Variants in FAT3 observed in about 807,000 individuals in gnomAD.
FAT3 encodes protocadherin Fat 3.
In FAT3, 95 loss-of-function variants were observed where a neutral mutation model predicts 310.2. The observed-to-expected ratio is 0.31, with a 90% CI of 0.26 to 0.36. The LOEUF (loss-of-function observed/expected upper bound fraction) is 0.36, where lower values mean the gene tolerates loss of function less well. Ranked by LOEUF, FAT3 falls within the 10% of genes least tolerant of loss-of-function variation. The pLI, the probability that FAT3 is intolerant of heterozygous loss-of-function variation, is 1.00. For synonymous variants in FAT3, 2,314 were observed against 2,192.9 expected (o/e 1.06, Z -1.54); for missense variants, 5,408 against 5,715.6 (o/e 0.95, Z 1.74).
intron 3 of FAT3, among the ~76,000 whole-genome samples, chr11:92,660,363 C>T (rs1370097695): frequency 6.6e-6 from 1 of 152,006 alleles, no homozygotes; most frequent in African/African-American, 2.4e-5. Flanking sequence ...AGAAGGATGA[C>T]ACCAAGAGAG....
chr11:92,750,695 A>G (rs1399587958), intron 4 of FAT3, among the ~76,000 whole-genome samples: 1 of 151,978 alleles, frequency 6.6e-6, no homozygotes, highest in Non-Finnish European at 1.5e-5. Context: ...ACAACTTAAT[A>G]CTGGCTTGGT....
chr11:92,658,758 C>T (rs1247860103), intron 3 of FAT3, among the ~76,000 whole-genome samples: 2 of 152,126 alleles, frequency 1.3e-5, no homozygotes, highest in Non-Finnish European at 2.9e-5. Flanking sequence ...CTTGAGGGCC[C>T]ATCACATTTT....
intron 21 of FAT3, among the ~76,000 whole-genome samples, chr11:92,859,636 G>A (rs1182403752): frequency 6.6e-6 from 1 of 152,154 alleles, no homozygotes; most frequent in Non-Finnish European, 1.5e-5. Context: ...CACAACAGGG[G>A]TGGTCCTTTA....
chr11:92,231,004 G>A (rs745751243), intron 1 of FAT3, among the ~76,000 whole-genome samples: 12 of 152,278 alleles, frequency 7.9e-5, no homozygotes, highest in African/African-American at 2.6e-4. Flanking sequence ...TTGGAAGAAC[G>A]TATTCATGGG....
chr11:92,680,429 T>A (rs147923081), intron 3 of FAT3, among the ~76,000 whole-genome samples: 1,645 of 152,324 alleles, frequency 0.011, 30 homozygotes, highest in African/African-American at 0.037. Context: ...AATGTGTGAC[T>A]TTATTTCTGG....
chr11:92,236,107 A>G (rs896325132), intron 1 of FAT3, among the ~76,000 whole-genome samples: 2 of 152,226 alleles, frequency 1.3e-5, no homozygotes, highest in Non-Finnish European at 2.9e-5. Context: ...TAAATTATTC[A>G]TAAACACCTG....
intron 2 of FAT3, among the ~76,000 whole-genome samples, chr11:92,448,822 T>C (rs994290557): frequency 1.3e-5 from 2 of 152,176 alleles, no homozygotes; most frequent in African/African-American, 4.8e-5. Context: ...CTAAGCCCCA[T>C]TTAGAGCCAC....
intron 3 of FAT3, among the ~76,000 whole-genome samples, chr11:92,696,027 A>T (rs1165871424): frequency 6.6e-6 from 1 of 152,166 alleles, no homozygotes; most frequent in Non-Finnish European, 1.5e-5. Flanking sequence ...AATGATAAGT[A>T]TTGTAGGTGA....
At chr11:92,302,276 A>G (rs1947018698) in intron 1 of FAT3, among the ~76,000 whole-genome samples, 1 of 151,934 alleles carries the variant, frequency 6.6e-6, no homozygotes, top group Non-Finnish European at 1.5e-5. Context: ...GTGGTTTTAC[A>G]TTACAGAAAC....
At chr11:92,702,048 C>T (rs1413650221) in intron 4 of FAT3, among the ~76,000 whole-genome samples, 1 of 152,168 alleles carries the variant, frequency 6.6e-6, no homozygotes, top group African/African-American at 2.4e-5. Flanking sequence ...GTTCACAGAG[C>T]TTAGATGGGC....
intron 1 of FAT3, among the ~76,000 whole-genome samples, chr11:92,341,413 C>G (rs572431285): frequency 5.3e-5 from 8 of 152,184 alleles, no homozygotes; most frequent in African/African-American, 1.9e-4. Context: ...AGTACTAATC[C>G]AGGCAATGTG....
chr11:92,614,747 C>T (rs1404773156), intron 3 of FAT3, among the ~76,000 whole-genome samples: 3 of 152,106 alleles, frequency 2.0e-5, no homozygotes, highest in African/African-American at 7.2e-5. Flanking sequence ...TCTTTTCTCA[C>T]GTGTGTTTTT....
intron 1 of FAT3, among the ~76,000 whole-genome samples, chr11:92,279,794 A>C (rs1946375115): frequency 6.6e-6 from 1 of 152,142 alleles, no homozygotes; most frequent in South Asian, 2.1e-4. Flanking sequence ...ACACCTTCTG[A>C]CTGTATATTT....
intron 2 of FAT3, among the ~76,000 whole-genome samples, chr11:92,472,963 G>C (rs755552661): frequency 4.9e-4 from 75 of 152,140 alleles, no homozygotes; most frequent in Non-Finnish European, 9.8e-4. Flanking sequence ...GTGACTTCCA[G>C]TTTGTTCCTC....
In FAT3 at chr11:92,354,029, G is replaced by C; in HGVS notation, c.1917G>C (p.Leu639=). 6.2e-7 allele frequency: 1 copy of C among 1,613,154 alleles called. No individual in the cohort carries two copies. The highest frequency in any genetic ancestry group is 1.1e-5 in the South Asian group (1 of 90,974). ...DSGVLQLKKS[L]TNSGIKNGNF... is the part of the protein sequence containing the mutation. ...GTGTTTTACAGCTTAAAAAATCACT[G>C]ACAAATTCTGGCATTAAAAATGGCA... Residue 639 remains leucine (L), a synonymous_variant, in exon 2 of 28, where the codon CTG becomes CTC. Coordinates refer to ENST00000525166, the MANE Select transcript of FAT3 (RefSeq NM_001367949.2).
At position 92,895,719 on chromosome 11, in the gene FAT3, T is replaced by A. The variant is rs1316184356; in HGVS notation, c.*4606T>A. 1 of 152,220 alleles carries A rather than the reference T, an allele frequency of 6.6e-6. No homozygotes were observed. The highest frequency in any genetic ancestry group is 2.4e-5 in the African/African-American group (1 of 41,464). The allele number at this position is 152,220 out of a possible 1,614,324, so 9.4% of individuals were successfully genotyped here. A position where few individuals can be genotyped will look rare whatever the true frequency, so the allele number is the denominator to read the frequency against. On this transcript the variant is annotated 3_prime_UTR_variant, in exon 28 of 28. Transcript: ENST00000525166. The stretch of plus-strand genomic sequence containing the variant: ...TGTATCAGAGAGATTGTCTTGTACG[T>A]TTGCCTGTTGCAAACAGGCTGGTTT...
At chr11:92,485,906 A>G (rs1255199417) in intron 2 of FAT3, among the ~76,000 whole-genome samples, 1 of 152,018 alleles carries the variant, frequency 6.6e-6, no homozygotes, top group Non-Finnish European at 1.5e-5. Context: ...ATCTTTTTCT[A>G]GATTAATGCT....
At chr11:92,269,014 T>C (rs755945638) in intron 1 of FAT3, among the ~76,000 whole-genome samples, 4 of 152,178 alleles carry the variant, frequency 2.6e-5, no homozygotes, top group Non-Finnish European at 4.4e-5. Context: ...TGAGCTGGAA[T>C]GGAATGCAGA....
chr11:92,564,663 G>T (rs1311318723), intron 3 of FAT3, among the ~76,000 whole-genome samples: 1 of 152,068 alleles, frequency 6.6e-6, no homozygotes, highest in African/African-American at 2.4e-5. Context: ...AAATGTAAAA[G>T]AACAGAAGTT....
Sources: allele counts gnomAD v4.1 joint callset (sites outside exome capture counted in the v4.1 genomes callset), GRCh38; gene constraint gnomAD v4.1.1; transcripts MANE v1.5; gene names NCBI Gene and HGNC (gene_info 2026-07-23, HGNC 2026-07-21).